Variants in DYNC1H1 observed in about 807,000 individuals in gnomAD.
DYNC1H1 encodes the protein dynein cytoplasmic 1 heavy chain 1.
A neutral mutation model predicts 527.1 loss-of-function variants in DYNC1H1; 51 were observed. The observed-to-expected ratio is 0.10, with a 90% CI of 0.08 to 0.12. The LOEUF (loss-of-function observed/expected upper bound fraction) is 0.12, where lower values mean the gene tolerates loss of function less well. DYNC1H1 is among the 10% of genes least tolerant of loss of function. The probability of loss-of-function intolerance (pLI) is 1.00; values close to 1 mark genes in which losing one functional copy is unlikely to be tolerated. For synonymous variants in DYNC1H1, 2,189 were observed against 2,278.8 expected (o/e 0.96, Z 1.12); for missense variants, 2,771 against 5,971.8 (o/e 0.46, Z 17.66).
In DYNC1H1 at chr14:101,997,271, C is replaced by T. The variant is rs1409617909; in HGVS notation, c.3801C>T (p.Val1267=). The T allele has an allele frequency of 1.9e-6, 3 of 1,614,130 alleles. No homozygotes were observed. Among genetic ancestry groups the T allele is most frequent in the East Asian group, 2.2e-5 (1 of 44,876 alleles). Residue 1267 remains valine, a synonymous_variant, in exon 16 of 78, where the codon GTC becomes GTT. Transcript: ENST00000360184. The surrounding 1 kb of genome is among the most constrained non-coding windows in gnomAD (Gnocchi z 4.8). ...CTGACTGGGAGAAGACCAAGCCTGT[C>T]ACGGTGAGTCCCGCCAGGTGGGGAC... is the stretch of plus-strand genomic sequence containing the variant. ...LLTDWEKTKP[V]TGNLRPEEAL... is the part of the protein sequence containing the mutation.
chr14:101,990,757 T>G (rs2047987874), intron 10 of DYNC1H1, among the ~76,000 whole-genome samples: 1 of 151,952 alleles, frequency 6.6e-6, no homozygotes, highest in African/African-American at 2.4e-5. Flanking sequence ...ATGCCTGTAA[T>G]CCCAGCACTT....
intron 16 of DYNC1H1, among the ~76,000 whole-genome samples, chr14:101,998,879 C>CTTTTTTTTTTTTTT (rs888317854): frequency 1.6e-4 from 18 of 115,214 alleles, no homozygotes; most frequent in East Asian, 5.1e-4. Flanking sequence ...AAAACTTTTT[C>CTTTTTTTTTTTTTT]TTTTTTTTTT....
At chr14:102,009,096 C>T (rs577450525) in intron 29 of DYNC1H1, among the ~76,000 whole-genome samples, 3 of 152,170 alleles carry the variant, frequency 2.0e-5, no homozygotes, top group Admixed American at 6.5e-5. Context: ...CCCTTTATCA[C>T]GATAGGAGCA....
chr14:102,028,128 A>G lies in DYNC1H1; in HGVS notation c.9455A>G (p.Gln3152Arg), dbSNP rs1053560376. 4 of 1,614,104 alleles carry G rather than the reference A, an allele frequency of 2.5e-6. No homozygotes were observed. The highest frequency in any genetic ancestry group is 2.5e-6 in the Non-Finnish European group (3 of 1,179,948). Reference sequence around the variant, plus strand: ...GTGAACAGCTGTGTGTTTGTTCATCAGACTCTTCACCAGGTGGGTTCAGTT... The same window carrying G: ...GTGAACAGCTGTGTGTTTGTTCATCGGACTCTTCACCAGGTGGGTTCAGTT... The part of the protein sequence containing the change: ...AIVNSCVFVH[Q>R]TLHQANARLA... Residue 3152 changes from glutamine (Q) to arginine (R), a missense_variant, in exon 48 of 78, where the codon CAG (glutamine) becomes CGG (arginine). By Grantham distance (43) the Gln-to-Arg change is conservative. Coordinates refer to ENST00000360184, the MANE Select transcript of DYNC1H1 (RefSeq NM_001376.5).
chr14:101,992,391 C>T (rs1032853925), intron 11 of DYNC1H1, among the ~76,000 whole-genome samples: 2 of 152,176 alleles, frequency 1.3e-5, no homozygotes, highest in East Asian at 1.9e-4. Flanking sequence ...CAGAACCAAG[C>T]TATGGATATT....
Position 102,029,944 on chromosome 14 carries a change from G to A in DYNC1H1, c.9762+6G>A, listed in dbSNP as rs773552333. The A allele has an allele frequency of 6.2e-7, 1 of 1,614,006 alleles. No individual in the cohort carries two copies. The highest frequency in any genetic ancestry group is 1.3e-5 in the African/African-American group (1 of 74,880). On this transcript the variant is annotated splice_donor_region_variant and intron_variant, in intron 50 of 77. Coordinates refer to ENST00000360184, the MANE Select transcript of DYNC1H1 (RefSeq NM_001376.5). The surrounding 1 kb of genome is among the most constrained non-coding windows in gnomAD (Gnocchi z 5.3). ...AGGAGGCTGAAAAGAAGAAGGTATGGTGTCAGGGAATTCTGGCCTGTAAGG... is the reference window on the plus strand; with the variant it reads ...AGGAGGCTGAAAAGAAGAAGGTATGATGTCAGGGAATTCTGGCCTGTAAGG...
intron 73 of DYNC1H1, chr14:102,048,235 G>A (rs2048754137): frequency 2.7e-6 from 2 of 748,216 alleles, no homozygotes; most frequent in African/African-American, 3.5e-5. Flanking sequence ...CACCCTAGAA[G>A]ATTGTGAGAT....
chr14:102,031,590 T>G (rs182448057), intron 51 of DYNC1H1, among the ~76,000 whole-genome samples: 16 of 152,256 alleles, frequency 1.1e-4, no homozygotes, highest in African/African-American at 3.9e-4. Context: ...TGTAGCAAAT[T>G]TAAAATGTCT....
chr14:101,993,760 T>C (rs1476164099), intron 11 of DYNC1H1, among the ~76,000 whole-genome samples: 2 of 152,186 alleles, frequency 1.3e-5, no homozygotes, highest in Non-Finnish European at 2.9e-5. Flanking sequence ...TCACTCTTGC[T>C]CCGTAGTTCT....
intron 52 of DYNC1H1, 158 bp downstream of exon 52, chr14:102,032,625 G>C: frequency 7.3e-6 from 7 of 963,308 alleles, no homozygotes; most frequent in Non-Finnish European, 1.1e-5. Context: ...GCTGAGGCAG[G>C]TGAAGTGCTT....
chr14:101,973,627 A>AC (rs1217633168), intron 1 of DYNC1H1, among the ~76,000 whole-genome samples: 1 of 151,872 alleles, frequency 6.6e-6, no homozygotes, highest in Non-Finnish European at 1.5e-5. Flanking sequence ...ACATAGAGAG[A>AC]CCCCATCTCT....
intron 43 of DYNC1H1, among the ~76,000 whole-genome samples, chr14:102,025,847 G>A (rs1179884507): frequency 6.6e-6 from 1 of 151,690 alleles, no homozygotes; most frequent in Non-Finnish European, 1.5e-5. Flanking sequence ...GCCAGGTGCG[G>A]TGGCTCACGC....
chr14:102,032,149 A>G, intron 51 of DYNC1H1, 123 bp from the exon 52 acceptor site: 1 of 1,184,030 alleles, frequency 8.4e-7, no homozygotes, highest in South Asian at 1.2e-5. Flanking sequence ...TAGCTCTTCT[A>G]AGCAGCTAGC....
At position 102,036,169 on chromosome 14, in the gene DYNC1H1, G is replaced by A. The variant is rs114060129; in HGVS notation, c.10755-320G>A. On this transcript the variant is annotated intron_variant, in intron 56 of 77. Coordinates refer to ENST00000360184, the MANE Select transcript of DYNC1H1 (RefSeq NM_001376.5). The surrounding 1 kb of genome is among the most constrained non-coding windows in gnomAD (Gnocchi z 5.6). Reference sequence around the variant, plus strand: ...TTGATACGTGCTGTCTAGAAGGATCGTAAACATGAAAAAGCTATTCTAACA... The same window carrying A: ...TTGATACGTGCTGTCTAGAAGGATCATAAACATGAAAAAGCTATTCTAACA... 407 of 352,788 alleles carry A rather than the reference G, an allele frequency of 1.2e-3. 4 individuals are homozygous for A. The highest frequency in any genetic ancestry group is 7.9e-3 in the African/African-American group (376 of 47,298). 21.9% of individuals were successfully genotyped at this position (352,788 alleles called of 1,614,324 possible).
In DYNC1H1 at chr14:101,997,856, C is replaced by T. The variant is rs1220697412; in HGVS notation, c.3804+582C>T. Among the ~76,000 whole-genome samples the T allele has an allele frequency of 3.9e-5, 6 of 152,066 alleles. No homozygotes were observed. The highest frequency in any genetic ancestry group is 1.3e-4 in the Admixed American group (2 of 15,264). On this transcript the variant is annotated intron_variant, in intron 16 of 77. Transcript: ENST00000360184. This position sits in a 1 kb window ranked among gnomAD's most constrained non-coding sequence, Gnocchi z 4.8. ...CTCCTACCTTCATGGAATCACGCTC[C>T]GTGGGAGAGAGAAAAAAAATGAGCA... is the stretch of plus-strand genomic sequence containing the variant.
In DYNC1H1 at chr14:102,002,473, A is replaced by G. The variant is rs1171806487; in HGVS notation, c.4543-64A>G. 1 of 1,603,068 alleles carries G rather than the reference A, an allele frequency of 6.2e-7. No homozygotes were observed. Among genetic ancestry groups the G allele is most frequent in the Non-Finnish European group, 8.5e-7 (1 of 1,171,426 alleles). On this transcript the variant is annotated intron_variant, in intron 21 of 77. Coordinates refer to ENST00000360184, the MANE Select transcript of DYNC1H1 (RefSeq NM_001376.5). The surrounding 1 kb of genome is among the most constrained non-coding windows in gnomAD (Gnocchi z 4.4). The stretch of plus-strand genomic sequence containing the variant: ...GATCCTGATCTGCGCTTTTTCAGTG[A>G]GTTTTGGCATATCTGTGAGTAGAAG...
At position 101,979,701 on chromosome 14, in the gene DYNC1H1, T is replaced by C. The variant is rs375656421; in HGVS notation, c.519-18T>C. ...ACCAATAGCACACTAAATGTTGAGG[T>C]ATGAAATCTGTTTTTAGGGATGGTG... On this transcript the variant is annotated intron_variant, in intron 3 of 77. Transcript: ENST00000360184. The surrounding 1 kb of genome is among the most constrained non-coding windows in gnomAD (Gnocchi z 4.6). 309 of 1,613,612 alleles carry C rather than the reference T, an allele frequency of 1.9e-4. No individual in the cohort carries two copies. The highest frequency in any genetic ancestry group is 2.5e-4 in the Non-Finnish European group (299 of 1,180,050).
chr14:102,017,658 G>A lies in DYNC1H1; in HGVS notation c.8177+154G>A. The A allele has an allele frequency of 1.4e-6, 2 of 1,387,438 alleles. No homozygotes were observed. The highest frequency in any genetic ancestry group is 2.0e-6 in the Non-Finnish European group (2 of 1,000,482). 85.9% of individuals were successfully genotyped at this position (1,387,438 alleles called of 1,614,324 possible). A position where few individuals can be genotyped will look rare whatever the true frequency, so the allele number is the denominator to read the frequency against. Reference sequence around the variant, plus strand: ...GTTACTTCTCTGTGCTGTAATGCCAGGAAAACATGTTAAAAATAAAAGCAT... The same window carrying A: ...GTTACTTCTCTGTGCTGTAATGCCAAGAAAACATGTTAAAAATAAAAGCAT... On this transcript the variant is annotated intron_variant, in intron 40 of 77. Transcript: ENST00000360184. This position sits in a 1 kb window ranked among gnomAD's most constrained non-coding sequence, Gnocchi z 4.6.
intron 1 of DYNC1H1, among the ~76,000 whole-genome samples, chr14:101,970,629 T>C (rs983120930): frequency 6.6e-6 from 1 of 151,970 alleles, no homozygotes; most frequent in South Asian, 2.1e-4. Flanking sequence ...ATTACAGGCA[T>C]GTGCCACCAC....
Sources: allele counts gnomAD v4.1 joint callset (sites outside exome capture counted in the v4.1 genomes callset), GRCh38; gene constraint gnomAD v4.1.1; non-coding constraint Gnocchi (gnomAD v3.1); transcripts MANE v1.5; gene names NCBI Gene and HGNC (gene_info 2026-07-23, HGNC 2026-07-21).